KIF26A: variants seen among roughly 807,000 people sequenced by gnomAD.
KIF26A encodes the protein kinesin family member 26A.
In KIF26A, 74 loss-of-function variants were observed where a neutral mutation model predicts 126.0. The ratio of observed to expected loss-of-function variants is 0.59; its 90% CI spans 0.49 to 0.71. KIF26A has a LOEUF of 0.71. KIF26A is among the 30% of genes least tolerant of loss of function. The pLI is 0.00. For synonymous variants in KIF26A, 1,445 were observed against 1,232.7 expected, an observed-to-expected ratio of 1.17 and a Z score of -3.61; for missense variants, 2,984 against 2,763.3, an observed-to-expected ratio of 1.08 and a Z score of -1.79.
intron 4 of KIF26A, among the ~76,000 whole-genome samples, chr14:104,165,589 G>A (rs539104642): frequency 1.4e-4 from 20 of 145,148 alleles, no homozygotes; most frequent in Admixed American, 1.2e-3. Flanking sequence ...GTGTGTCTGT[G>A]TGTCTATGCA....
chr14:104,141,437 G>A (rs537366004), intron 2 of KIF26A, among the ~76,000 whole-genome samples: 1 of 152,252 alleles, frequency 6.6e-6, no homozygotes, highest in Admixed American at 6.5e-5. Context: ...GAAGCCCAGA[G>A]AAGTGGAGAG....
In KIF26A at chr14:104,176,041, G is replaced by A. The variant is rs748456672; in HGVS notation, c.3253G>A (p.Ala1085Thr). 18 of 1,595,024 alleles carry A rather than the reference G, an allele frequency of 1.1e-5. 1 individual carries two copies. Among genetic ancestry groups the A allele is most frequent in the Non-Finnish European group, 1.4e-5 (16 of 1,175,364 alleles). ...CAGCAGCATCAATGATGAGTTTGAC[G>A]CCTACACCTCTCAGGCCCCTGAGGG... ...IISSINDEFDAYTSQAPEGGP... is the reference protein window; with the variant it reads ...IISSINDEFDTYTSQAPEGGP... Residue 1085 changes from alanine to threonine, a missense_variant, in exon 12 of 15, where the codon GCC (alanine) becomes ACC (threonine). Coordinates refer to ENST00000423312, the MANE Select transcript of KIF26A (RefSeq NM_015656.2).
In KIF26A at chr14:104,176,642, A is replaced by C. The variant is rs1281679118; in HGVS notation, c.3854A>C (p.Asp1285Ala). 2 of 1,605,714 alleles carry C rather than the reference A, an allele frequency of 1.2e-6. No individual in the cohort carries two copies. Among genetic ancestry groups the C allele is most frequent in the Non-Finnish European group, 1.7e-6 (2 of 1,176,838 alleles). ...VMLACAQRVV[D>A]GCEVAARAAR... is the part of the protein sequence containing the mutation. Reference sequence around the variant, plus strand: ...CTAGCCTGTGCCCAGAGAGTGGTGGACGGGTGTGAGGTGGCAGCCAGGGCG... The same window carrying C: ...CTAGCCTGTGCCCAGAGAGTGGTGGCCGGGTGTGAGGTGGCAGCCAGGGCG... The change falls in exon 12 of 15, where the codon GAC becomes GCC. Residue 1285 changes from aspartate (D) to alanine (A), a missense_variant. Asp to Ala is a moderately radical substitution (Grantham distance 126, BLOSUM62 -2). Transcript: ENST00000423312.
intron 12 of KIF26A, 45 bp from the exon 13 acceptor site, chr14:104,178,505 C>T: frequency 2.2e-6 from 3 of 1,379,576 alleles, no homozygotes; most frequent in Non-Finnish European, 2.8e-6. Flanking sequence ...TGTGCTTGGG[C>T]TGGGCCCCGC....
intron 14 of KIF26A, 108 bp from the exon 15 acceptor site, chr14:104,179,501 A>T: frequency 7.0e-7 from 1 of 1,425,368 alleles, no homozygotes; most frequent in Non-Finnish European, 9.2e-7. Flanking sequence ...GCTGGAAGGC[A>T]GGGTCGGCCG....
In KIF26A at chr14:104,138,755, G is replaced by C; in HGVS notation, c.33G>C (p.Ala11=). MVGRGVPLCA[A]QPAVAEGGPA... ...GCCGCGGCGTCCCTCTGTGCGCTGC[G>C]CAGCCCGCGGTACGCGCGGCCCGGC... Residue 11 remains alanine, a synonymous_variant, in exon 1 of 15, where the codon GCG becomes GCC. Transcript: ENST00000423312. 1 of 1,260,260 alleles carries C rather than the reference G, an allele frequency of 7.9e-7. No individual in the cohort carries two copies. The highest frequency in any genetic ancestry group is 9.9e-7 in the Non-Finnish European group (1 of 1,005,410). The allele number at this position is 1,260,260 out of a possible 1,614,324, so 78.1% of individuals were successfully genotyped here.
At position 104,179,907 on chromosome 14, in the gene KIF26A, A is replaced by G; in HGVS notation, c.*117A>G. On this transcript the variant is annotated 3_prime_UTR_variant, in exon 15 of 15. Transcript: ENST00000423312. ...GGATGCGGAGGGGTTTCTGTGCAGG[A>G]CGGGAGTCTCAGAGAGGAGACGGAG... is the stretch of plus-strand genomic sequence containing the variant. The G allele has an allele frequency of 9.2e-7, 1 of 1,082,352 alleles. No homozygotes were observed. The highest frequency in any genetic ancestry group is 1.3e-6 in the Non-Finnish European group (1 of 782,586). The allele number at this position is 1,082,352 out of a possible 1,614,324, so 67.0% of individuals were successfully genotyped here.
In KIF26A at chr14:104,177,497, T is replaced by C. The variant is rs1373934021; in HGVS notation, c.4709T>C (p.Leu1570Pro). The C allele has an allele frequency of 1.3e-6, 2 of 1,534,328 alleles. No homozygotes were observed. The highest frequency in any genetic ancestry group is 1.7e-6 in the Non-Finnish European group (2 of 1,145,826). ...GCTGCTCACAGCCGCGTCCATGAGC[T>C]GTCAGCCAGTGGAGCCCCGGGCCGA... ...LRAAHSRVHE[L>P]SASGAPGRGG... Residue 1570 changes from leucine (L) to proline (P), a missense_variant, in exon 12 of 15, where the codon CTG becomes CCG. Coordinates refer to ENST00000423312, the MANE Select transcript of KIF26A (RefSeq NM_015656.2).
chr14:104,171,766 G>A lies in KIF26A; in HGVS notation c.1157G>A (p.Arg386His), dbSNP rs1377746570. The A allele has an allele frequency of 1.9e-6, 3 of 1,580,358 alleles. No homozygotes were observed. Among genetic ancestry groups the A allele is most frequent in the Non-Finnish European group, 2.6e-6 (3 of 1,164,458 alleles). ...LRIWPAQGAQRSAEAMSFLKV... is the reference protein window; with the variant it reads ...LRIWPAQGAQHSAEAMSFLKV... ...ATCTGGCCCGCACAGGGGGCCCAGCGCTCGGCCGAGGCCATGTCCTTCCTG... is the reference window on the plus strand; with the variant it reads ...ATCTGGCCCGCACAGGGGGCCCAGCACTCGGCCGAGGCCATGTCCTTCCTG... The change falls in exon 6 of 15, where the codon CGC (arginine) becomes CAC (histidine). Residue 386 changes from arginine to histidine, a missense_variant. Coordinates refer to ENST00000423312, the MANE Select transcript of KIF26A (RefSeq NM_015656.2).
chr14:104,157,155 C>T (rs548316374), intron 3 of KIF26A, among the ~76,000 whole-genome samples: 1 of 152,114 alleles, frequency 6.6e-6, no homozygotes, highest in African/African-American at 2.4e-5. Flanking sequence ...GCTGGGCTGT[C>T]CCGGGCGTTT....
At chr14:104,172,309 C>T (rs1038892441) in intron 6 of KIF26A, among the ~76,000 whole-genome samples, 1 of 152,268 alleles carries the variant, frequency 6.6e-6, no homozygotes, top group African/African-American at 2.4e-5. Flanking sequence ...TGGTGGTCTG[C>T]CCCTGCGCCC....
At position 104,176,954 on chromosome 14, in the gene KIF26A, G is replaced by C; in HGVS notation, c.4166G>C (p.Arg1389Pro). Residue 1389 changes from arginine (R) to proline (P), a missense_variant, in exon 12 of 15, where the codon CGG becomes CCG. Transcript: ENST00000423312. The stretch of plus-strand genomic sequence containing the variant: ...CCTCCGCATGCTGTGAACCCGGCGC[G>C]GGTCGGGGCTGCTGCTGTCCTTCGA... Reference protein sequence around the residue: ...SAPPHAVNPARVGAAAVLRGE... With the variant: ...SAPPHAVNPAPVGAAAVLRGE... 1 of 1,534,922 alleles carries C rather than the reference G, an allele frequency of 6.5e-7. No individual in the cohort carries two copies. The highest frequency in any genetic ancestry group is 2.4e-5 in the East Asian group (1 of 40,856).
At position 104,175,720 on chromosome 14, in the gene KIF26A, C is replaced by T. The variant is rs79235393; in HGVS notation, c.2932C>T (p.Arg978Trp). 483 of 1,581,806 alleles carry T rather than the reference C, an allele frequency of 3.1e-4. 1 individual carries two copies. In the African/African-American group the frequency reaches 5.2e-3, roughly 17 times the overall value. Residue 978 changes from arginine to tryptophan, a missense_variant, in exon 12 of 15, where the codon CGG (arginine) becomes TGG (tryptophan). Transcript: ENST00000423312. The stretch of plus-strand genomic sequence containing the variant: ...GGGAGGGGGCACTGATGGAGTGGCA[C>T]GGACCCCTCCCGTGGGCATGAGTGG... ...PGGGGTDGVA[R>W]TPPVGMSGQV... is the part of the protein sequence containing the mutation.
At chr14:104,142,412 A>G (rs548416421) in intron 2 of KIF26A, among the ~76,000 whole-genome samples, 1 of 140,742 alleles carries the variant, frequency 7.1e-6, no homozygotes, top group African/African-American at 2.6e-5. Flanking sequence ...CAGGACCCCC[A>G]TGGCCTGGAG....
At chr14:104,166,395 G>T (rs2487306) in intron 4 of KIF26A, among the ~76,000 whole-genome samples, 2 of 152,134 alleles carry the variant, frequency 1.3e-5, no homozygotes, top group African/African-American at 4.8e-5. Flanking sequence ...CACCTCATCC[G>T]ACTTTGGAGA....
chr14:104,159,572 C>T (rs944389632), intron 4 of KIF26A, among the ~76,000 whole-genome samples: 2 of 152,214 alleles, frequency 1.3e-5, no homozygotes, highest in East Asian at 1.9e-4. Flanking sequence ...AGGCCGGTGC[C>T]GCTTGCCAGC....
chr14:104,145,229 T>G (rs1389624088), intron 2 of KIF26A, among the ~76,000 whole-genome samples: 5 of 152,242 alleles, frequency 3.3e-5, no homozygotes, highest in Non-Finnish European at 5.9e-5. Context: ...TCACTTTTCC[T>G]TCCAGTGTCA....
Position 104,175,489 on chromosome 14 carries a change from G to T in KIF26A, c.2701G>T (p.Gly901Cys). 6.3e-7 allele frequency: 1 copy of T among 1,594,212 alleles called. No individual in the cohort carries two copies. Among genetic ancestry groups the T allele is most frequent in the Non-Finnish European group, 8.5e-7 (1 of 1,177,356 alleles). The change falls in exon 12 of 15, where the codon GGC (glycine) becomes TGC (cysteine). Residue 901 changes from glycine (G) to cysteine (C), a missense_variant. Physicochemically the swap from Gly to Cys is radical, Grantham distance 159 (BLOSUM62 -3). Transcript: ENST00000423312. ...GTPMAASTPR[G>C]SSGPDTHQGT... ...CCCGATGGCTGCCAGCACCCCTCGAGGCAGTTCTGGTCCAGACACCCACCA... is the reference window on the plus strand; with the variant it reads ...CCCGATGGCTGCCAGCACCCCTCGATGCAGTTCTGGTCCAGACACCCACCA...
intron 11 of KIF26A, 43 bp downstream of exon 11, chr14:104,174,353 G>C (rs1165057821): frequency 6.8e-7 from 1 of 1,476,698 alleles, no homozygotes; most frequent in Non-Finnish European, 9.0e-7. Flanking sequence ...GGCCGTCTCG[G>C]CTCCTGTGTC....
Sources: allele counts gnomAD v4.1 joint callset (sites outside exome capture counted in the v4.1 genomes callset), GRCh38; gene constraint gnomAD v4.1.1; transcripts MANE v1.5; gene names NCBI Gene and HGNC (gene_info 2026-07-23, HGNC 2026-07-21).